The following ZCCHC2 variants were observed in gnomAD, a reference collection of about 807,000 sequenced individuals.
ZCCHC2 encodes the protein zinc finger CCHC-type containing 2.
ZCCHC2 carries 39 observed loss-of-function variants against 103.6 expected under a neutral mutation model. The observed-to-expected ratio is 0.38, with a 90% CI of 0.29 to 0.49. ZCCHC2 has a LOEUF of 0.49. Ranked by LOEUF, ZCCHC2 falls within the 20% of genes least tolerant of loss-of-function variation. ZCCHC2 has a pLI of 0.96. For missense variants in ZCCHC2, 1,483 were observed against 1,491.0 expected, an observed-to-expected ratio of 0.99 and a Z score of 0.09; for synonymous variants, 687 against 608.9, an observed-to-expected ratio of 1.13 and a Z score of -1.89.
Position 62,574,652 on chromosome 18 carries a change from C to T in ZCCHC2, c.2571C>T (p.Phe857=), listed in dbSNP as rs746628067. 6.2e-7 allele frequency: 1 copy of T among 1,614,014 alleles called. No individual in the cohort carries two copies. Among genetic ancestry groups the T allele is most frequent in the Non-Finnish European group, 8.5e-7 (1 of 1,179,888 alleles). ...TTCCTATCCATAACCCAGGTAGTTT[C>T]CCAGGCTCTCCTGTTGCTACCACGG... The part of the protein sequence containing the change: ...AFIPIHNPGS[F]PGSPVATTDP... Residue 857 remains phenylalanine, a synonymous_variant, in exon 13 of 14, where the codon TTC becomes TTT. Transcript: ENST00000269499.
chr18:62,577,922 G>C lies in ZCCHC2; in HGVS notation c.*1343G>C, dbSNP rs947507920. The C allele has an allele frequency of 2.0e-5, 3 of 152,922 alleles. No homozygotes were observed. The highest frequency in any genetic ancestry group is 3.8e-4 in the East Asian group (2 of 5,218). The allele number at this position is 152,922 out of a possible 1,614,324, so 9.5% of individuals were successfully genotyped here. A position where few individuals can be genotyped will look rare whatever the true frequency, so the allele number is the denominator to read the frequency against. ...TTCCACTGTATAGTCCTAGGGGTCA[G>C]GGGGTGGGGGTTTCATTTTCCATTC... On this transcript the variant is annotated 3_prime_UTR_variant, in exon 14 of 14. Coordinates refer to ENST00000269499, the MANE Select transcript of ZCCHC2 (RefSeq NM_017742.6).
chr18:62,583,966 T>C (rs1917101292), intron 14 of ZCCHC2, among the ~76,000 whole-genome samples: 1 of 152,090 alleles, frequency 6.6e-6, no homozygotes, highest in Non-Finnish European at 1.5e-5. Context: ...CGGACAACCT[T>C]GTCTTTCCCT....
chr18:62,560,430 T>C (rs1184077859), intron 7 of ZCCHC2, 157 bp from the exon 8 acceptor site: 1 of 480,256 alleles, frequency 2.1e-6, no homozygotes, highest in Non-Finnish European at 3.7e-6. Context: ...ACTGTGTTTT[T>C]GAAAAATTGC....
At chr18:62,573,957 C>G (rs749160531) in intron 12 of ZCCHC2, 100 bp from the exon 13 acceptor site, 9 of 1,276,960 alleles carry the variant, frequency 7.0e-6, no homozygotes, top group Non-Finnish European at 9.6e-6. Flanking sequence ...GGGACACTTT[C>G]CAAACTTGAG....
intron 3 of ZCCHC2, among the ~76,000 whole-genome samples, chr18:62,544,215 A>G (rs1400945137): frequency 6.6e-6 from 1 of 152,216 alleles, no homozygotes; most frequent in East Asian, 1.9e-4. Context: ...TTAGAGTCAC[A>G]CACCTCAGTA....
chr18:62,538,788 G>A (rs1252215024), intron 1 of ZCCHC2, among the ~76,000 whole-genome samples: 3 of 152,140 alleles, frequency 2.0e-5, no homozygotes, highest in African/African-American at 4.8e-5. Context: ...TTTAAATTGA[G>A]ATTTGTGGGG....
intron 11 of ZCCHC2, among the ~76,000 whole-genome samples, chr18:62,567,229 G>T (rs1014664023): frequency 6.6e-6 from 1 of 152,116 alleles, no homozygotes; most frequent in Non-Finnish European, 1.5e-5. Flanking sequence ...AGGAAGAATT[G>T]TCTTTAAGCA....
intron 8 of ZCCHC2, among the ~76,000 whole-genome samples, chr18:62,561,438 C>T (rs1012232334): frequency 2.6e-5 from 4 of 152,236 alleles, no homozygotes; most frequent in Middle Eastern, 3.2e-3. Flanking sequence ...ACCACATTAG[C>T]GCTGTGCTCC....
intron 1 of ZCCHC2, among the ~76,000 whole-genome samples, chr18:62,536,867 T>A (rs571945526): frequency 4.6e-4 from 70 of 152,340 alleles, no homozygotes; most frequent in Non-Finnish European, 7.1e-4. Flanking sequence ...ATTGGGTTCA[T>A]AAAGTTAACT....
chr18:62,542,669 A>G (rs149438353), intron 3 of ZCCHC2, 95 bp downstream of exon 3: 16,399 of 1,053,408 alleles, frequency 0.016, 158 homozygotes, highest in Non-Finnish European at 0.019. Context: ...GGGAAAAGGT[A>G]TATATGTTTG....
intron 9 of ZCCHC2, 24 bp downstream of exon 9, chr18:62,563,168 G>A (rs569790404): frequency 6.2e-7 from 1 of 1,600,720 alleles, no homozygotes; most frequent in Admixed American, 1.7e-5. Context: ...TTGTTTTGGA[G>A]CTATATAGTT....
At chr18:62,527,144 G>A (rs915420908) in intron 1 of ZCCHC2, among the ~76,000 whole-genome samples, 1 of 151,748 alleles carries the variant, frequency 6.6e-6, no homozygotes, top group Non-Finnish European at 1.5e-5. Context: ...CTTACTATTG[G>A]TTAACGTAAA....
exon 15 of ZCCHC2, chr18:62,585,481 G>A (rs1917146362): frequency 1.3e-5 from 2 of 152,244 alleles, no homozygotes; most frequent in South Asian, 2.1e-4. Flanking sequence ...CCCTGCTGAA[G>A]GTGAAGAATG....
chr18:62,576,313 A>G (rs1916839457), intron 13 of ZCCHC2, among the ~76,000 whole-genome samples, 199 bp from the exon 14 acceptor site: 1 of 152,256 alleles, frequency 6.6e-6, no homozygotes, highest in Admixed American at 6.5e-5. Context: ...AAGAAAGATC[A>G]AGTTTGATAG....
chr18:62,524,644 GA>G (rs1451620961), intron 1 of ZCCHC2: 1 of 433,316 alleles, frequency 2.3e-6, no homozygotes, highest in African/African-American at 2.1e-5. Flanking sequence ...GGAAGACGTG[GA>G]GCTCCCCGCC....
At chr18:62,579,524 A>T (rs1916985511), downstream of ZCCHC2, among the ~76,000 whole-genome samples, 1 of 152,172 alleles carries the variant, frequency 6.6e-6, no homozygotes, top group African/African-American at 2.4e-5. Context: ...GTGGGCAGTG[A>T]GTTTGAAATG....
intron 2 of ZCCHC2, among the ~76,000 whole-genome samples, chr18:62,541,272 A>T (rs534177985): frequency 1.2e-4 from 19 of 152,292 alleles, no homozygotes; most frequent in African/African-American, 4.3e-4. Flanking sequence ...ACTGGCCCAC[A>T]AGCAGGCCAC....
chr18:62,571,255 C>T (rs950978266), intron 12 of ZCCHC2, among the ~76,000 whole-genome samples: 2 of 152,106 alleles, frequency 1.3e-5, no homozygotes, highest in African/African-American at 4.8e-5. Context: ...TTGGGGAACT[C>T]GAAACCCATA....
chr18:62,540,599 A>G (rs1401713253), intron 2 of ZCCHC2, among the ~76,000 whole-genome samples: 1 of 152,190 alleles, frequency 6.6e-6, no homozygotes, highest in Non-Finnish European at 1.5e-5. Flanking sequence ...AAAGTACTTT[A>G]ATCAGACTAC....
Sources: allele counts gnomAD v4.1 joint callset (sites outside exome capture counted in the v4.1 genomes callset), GRCh38; gene constraint gnomAD v4.1.1; transcripts MANE v1.5; gene names NCBI Gene and HGNC (gene_info 2026-07-23, HGNC 2026-07-21).